The following DDX10 variants were observed in gnomAD, a reference collection of about 807,000 sequenced individuals.
DDX10 encodes DEAD-box helicase 10.
In DDX10, 74 loss-of-function variants were observed where a neutral mutation model predicts 104.3. That is an observed-to-expected ratio of 0.71 (90% CI 0.59 to 0.86). The LOEUF (loss-of-function observed/expected upper bound fraction) is 0.86. Among genes scored for constraint, DDX10 ranks in the 40% least tolerant of loss-of-function variants. DDX10 has a pLI of 0.00. For missense variants in DDX10, 952 were observed against 1,040.0 expected, an observed-to-expected ratio of 0.92 and a Z score of 1.16; for synonymous variants, 351 against 353.4, an observed-to-expected ratio of 0.99 and a Z score of 0.08.
At chr11:108,758,941 G>A (rs1448231691) in intron 13 of DDX10, among the ~76,000 whole-genome samples, 2 of 152,040 alleles carry the variant, frequency 1.3e-5, no homozygotes, top group Non-Finnish European at 1.5e-5. Context: ...GCTCCATTCA[G>A]TTGCTCTAGT....
chr11:108,878,987 G>A (rs1216057642), intron 16 of DDX10, among the ~76,000 whole-genome samples: 1 of 151,828 alleles, frequency 6.6e-6, no homozygotes, highest in African/African-American at 2.4e-5. Context: ...TTTTTTTACC[G>A]TGGAAATTTT....
intron 9 of DDX10, among the ~76,000 whole-genome samples, chr11:108,696,454 G>T (rs2094260057): frequency 1.3e-5 from 2 of 152,212 alleles, no homozygotes; most frequent in Admixed American, 1.3e-4. Flanking sequence ...TGGGATTACA[G>T]GTGTGAGCCA....
At chr11:108,797,487 A>G (rs1220006245) in intron 13 of DDX10, among the ~76,000 whole-genome samples, 2 of 152,348 alleles carry the variant, frequency 1.3e-5, no homozygotes, top group Admixed American at 1.3e-4. Context: ...AGGAATCCAC[A>G]CTAAGATATA....
At chr11:108,840,271 T>A (rs1565294974) in intron 14 of DDX10, among the ~76,000 whole-genome samples, 2 of 152,202 alleles carry the variant, frequency 1.3e-5, no homozygotes, top group African/African-American at 4.8e-5. Flanking sequence ...TCTTGAAGAA[T>A]GGTTATGGTG....
In DDX10 at chr11:108,677,943, G is replaced by A. The variant is rs556221491; in HGVS notation, c.538-372G>A. Among the ~76,000 whole-genome samples, 135 of 152,024 alleles carry A rather than the reference G, an allele frequency of 8.9e-4. 1 individual carries two copies. Among genetic ancestry groups the A allele is most frequent in the African/African-American group, 3.2e-3 (132 of 41,450 alleles). On this transcript the variant is annotated intron_variant, in intron 4 of 17. Transcript: ENST00000322536. ...AGTTCACAAAGTACAGTCCTTGAGCGGTGTCAGAGTCTGTTCAATGTCCCT... is the reference window on the plus strand; with the variant it reads ...AGTTCACAAAGTACAGTCCTTGAGCAGTGTCAGAGTCTGTTCAATGTCCCT...
At chr11:108,881,303 G>GT (rs1440110997) in intron 16 of DDX10, among the ~76,000 whole-genome samples, 1 of 152,180 alleles carries the variant, frequency 6.6e-6, no homozygotes, top group African/African-American at 2.4e-5. Flanking sequence ...TCTACTTAGT[G>GT]ATGTGGAAGT....
intron 16 of DDX10, among the ~76,000 whole-genome samples, chr11:108,892,702 G>A (rs1863392285): frequency 6.6e-6 from 1 of 152,088 alleles, no homozygotes; most frequent in Admixed American, 6.6e-5. Context: ...AATAGTTTTT[G>A]TCATTGTATA....
chr11:108,920,767 C>G (rs1338896170), intron 17 of DDX10: 1 of 152,234 alleles, frequency 6.6e-6, no homozygotes, highest in African/African-American at 2.4e-5. Context: ...GTTTCCCACC[C>G]TCAGCATTAT....
At chr11:108,779,368 T>C (rs2094374702) in intron 13 of DDX10, among the ~76,000 whole-genome samples, 1 of 152,076 alleles carries the variant, frequency 6.6e-6, no homozygotes, top group African/African-American at 2.4e-5. Context: ...TAAAAAAGGA[T>C]GAGTTCATGT....
chr11:108,689,070 C>T lies in DDX10; in HGVS notation c.975+8C>T, dbSNP rs780290286. The T allele has an allele frequency of 6.2e-7, 1 of 1,613,076 alleles. No individual in the cohort carries two copies. Among genetic ancestry groups the T allele is most frequent in the Non-Finnish European group, 8.5e-7 (1 of 1,179,532 alleles). On this transcript the variant is annotated splice_region_variant and intron_variant, in intron 7 of 17. Transcript: ENST00000322536. ...TTTTCCAGTTGCAAAGAGGTATTGG[C>T]TGTTTATTTTGCTTTCTGAACGTAT...
At chr11:108,713,022 A>G (rs929307046) in intron 10 of DDX10, among the ~76,000 whole-genome samples, 5 of 152,158 alleles carry the variant, frequency 3.3e-5, no homozygotes, top group African/African-American at 7.2e-5. Flanking sequence ...TGTCTGAGAA[A>G]TCAGGTGTAA....
At chr11:108,684,508 T>C (rs1341719918) in intron 6 of DDX10, among the ~76,000 whole-genome samples, 3 of 149,952 alleles carry the variant, frequency 2.0e-5, no homozygotes, top group Non-Finnish European at 4.4e-5. Context: ...ATTTCATCCA[T>C]GTCCCTACAA....
chr11:108,866,892 A>G (rs1863014000), intron 16 of DDX10, among the ~76,000 whole-genome samples: 1 of 152,208 alleles, frequency 6.6e-6, no homozygotes, highest in South Asian at 2.1e-4. Context: ...GGACATAATT[A>G]TAGAAGCACC....
intron 13 of DDX10, among the ~76,000 whole-genome samples, chr11:108,800,442 C>A (rs1327317215): frequency 7.3e-4 from 69 of 94,406 alleles, no homozygotes; most frequent in South Asian, 9.0e-4. Flanking sequence ...GAGACTCTTT[C>A]AAAAAAAAAA....
intron 13 of DDX10, among the ~76,000 whole-genome samples, chr11:108,786,496 C>T (rs1218037741): frequency 2.0e-5 from 3 of 151,078 alleles, no homozygotes; most frequent in Admixed American, 1.3e-4. Context: ...TAAGTGTTTT[C>T]GTAGGTCAGG....
intron 8 of DDX10, among the ~76,000 whole-genome samples, chr11:108,693,148 G>A (rs1488022358): frequency 1.3e-5 from 2 of 152,126 alleles, no homozygotes; most frequent in African/African-American, 2.4e-5. Context: ...TTGGGTTTCT[G>A]TTCCCGTTGG....
At chr11:108,728,981 A>C (rs1283005974) in intron 13 of DDX10, among the ~76,000 whole-genome samples, 1 of 151,726 alleles carries the variant, frequency 6.6e-6, no homozygotes, top group Non-Finnish European at 1.5e-5. Context: ...CTTTTTTTGA[A>C]TCTCCGTTTA....
At chr11:108,804,896 T>C (rs1862076310) in intron 13 of DDX10, among the ~76,000 whole-genome samples, 1 of 152,210 alleles carries the variant, frequency 6.6e-6, no homozygotes, top group Non-Finnish European at 1.5e-5. Context: ...AGGTATTATA[T>C]ATTAATCAGC....
intron 13 of DDX10, among the ~76,000 whole-genome samples, chr11:108,810,350 G>T (rs1591824259): frequency 6.6e-6 from 1 of 151,914 alleles, no homozygotes; most frequent in East Asian, 1.9e-4. Flanking sequence ...AACCTATTGG[G>T]TTTTTTTTAA....
Sources: gnomAD v4.1 joint callset for allele counts (sites outside exome capture counted in the v4.1 genomes callset) on GRCh38, gnomAD v4.1.1 for gene constraint, MANE v1.5 for transcripts, NCBI Gene and HGNC (gene_info 2026-07-23, HGNC 2026-07-21) for gene names.